GRIP1: variants seen among roughly 807,000 people sequenced by gnomAD.
GRIP1 encodes glutamate receptor interacting protein 1, also known as glutamate receptor-interacting protein 1.
In GRIP1, 45 loss-of-function variants were observed where a neutral mutation model predicts 129.9. The observed-to-expected ratio is 0.35, with a 90% CI of 0.27 to 0.44. The LOEUF is 0.44. Ranked by LOEUF, GRIP1 falls within the 20% of genes least tolerant of loss-of-function variation. The probability of loss-of-function intolerance (pLI) is 1.00; values close to 1 mark genes in which losing one functional copy is unlikely to be tolerated. For missense variants in GRIP1, 1,196 were observed against 1,396.8 expected (o/e 0.86, Z 2.29); for synonymous variants, 530 against 520.8 (o/e 1.02, Z -0.24).
chr12:66,670,362 G>A (rs1010054865), intron 1 of GRIP1, among the ~76,000 whole-genome samples: 9 of 152,148 alleles, frequency 5.9e-5, no homozygotes, highest in Non-Finnish European at 1.3e-4. Context: ...CATCCCCATG[G>A]AACATTCCTT....
intron 7 of GRIP1, among the ~76,000 whole-genome samples, chr12:66,508,850 T>C (rs1344621483): frequency 6.6e-6 from 1 of 152,114 alleles, no homozygotes; most frequent in Non-Finnish European, 1.5e-5. Flanking sequence ...GGGAAGGAAG[T>C]TATAAAATAG....
chr12:66,380,094 G>A (rs2056035339), intron 19 of GRIP1, among the ~76,000 whole-genome samples: 1 of 151,756 alleles, frequency 6.6e-6, no homozygotes, highest in Non-Finnish European at 1.5e-5. Context: ...ATTTTTAGTA[G>A]AGACAGGGTT....
At chr12:66,725,766 A>G (rs142158480) in intron 1 of GRIP1, among the ~76,000 whole-genome samples, 29 of 152,322 alleles carry the variant, frequency 1.9e-4, no homozygotes, top group African/African-American at 6.5e-4. Flanking sequence ...ACAGTTTCAT[A>G]TAACAATACT....
At chr12:67,049,896 T>A (rs1358612788) in intron 1 of GRIP1, among the ~76,000 whole-genome samples, 1 of 148,844 alleles carries the variant, frequency 6.7e-6, no homozygotes, top group Non-Finnish European at 1.5e-5. Flanking sequence ...TTTGTCAAAT[T>A]AATAAATAAT....
chr12:66,744,820 T>C (rs2036895063), intron 1 of GRIP1, among the ~76,000 whole-genome samples: 1 of 152,192 alleles, frequency 6.6e-6, no homozygotes, highest in Admixed American at 6.5e-5. Context: ...TTTAGTTTTA[T>C]ACACAGAAAT....
intron 1 of GRIP1, among the ~76,000 whole-genome samples, chr12:66,903,033 A>T (rs2040868183): frequency 6.6e-6 from 1 of 152,126 alleles, no homozygotes; most frequent in African/African-American, 2.4e-5. Context: ...TTTTAGAGTA[A>T]ATGCAAGAGA....
chr12:66,883,631 C>T (rs2040516613), intron 1 of GRIP1, among the ~76,000 whole-genome samples: 1 of 152,166 alleles, frequency 6.6e-6, no homozygotes, highest in African/African-American at 2.4e-5. Flanking sequence ...CAAAAGCTCT[C>T]CCTTGAGAGG....
At chr12:67,044,066 C>T (rs929680165) in intron 1 of GRIP1, among the ~76,000 whole-genome samples, 1 of 151,958 alleles carries the variant, frequency 6.6e-6, no homozygotes, top group South Asian at 2.1e-4. Context: ...AAGATAGGTG[C>T]CTATTAATTC....
intron 1 of GRIP1, among the ~76,000 whole-genome samples, chr12:66,872,962 T>G (rs2040321180): frequency 6.6e-6 from 1 of 152,096 alleles, no homozygotes; most frequent in African/African-American, 2.4e-5. Flanking sequence ...GAGTGACTTA[T>G]GGCTGAGTTG....
intron 1 of GRIP1, among the ~76,000 whole-genome samples, chr12:66,861,445 G>C (rs1592910497): frequency 6.6e-6 from 1 of 152,016 alleles, no homozygotes; most frequent in Non-Finnish European, 1.5e-5. Context: ...CACAAACGAA[G>C]GCAACTTACA....
intron 1 of GRIP1, among the ~76,000 whole-genome samples, chr12:66,812,489 T>C (rs544119256): frequency 6.0e-4 from 92 of 152,360 alleles, no homozygotes; most frequent in Non-Finnish European, 1.1e-3. Context: ...TGTTTGTTCA[T>C]TTATTTACTC....
intron 1 of GRIP1, among the ~76,000 whole-genome samples, chr12:67,010,319 A>G (rs1170451165): frequency 6.6e-6 from 1 of 152,194 alleles, no homozygotes; most frequent in Non-Finnish European, 1.5e-5. Flanking sequence ...TAGCAATTCG[A>G]GTTTAGAAAG....
chr12:66,447,787 G>A (rs1272460549), intron 11 of GRIP1, among the ~76,000 whole-genome samples: 5 of 152,096 alleles, frequency 3.3e-5, no homozygotes, highest in African/African-American at 1.2e-4. Flanking sequence ...TGATTCTGAA[G>A]TGGCTAAAAA....
At chr12:66,964,941 G>A (rs1431507469) in intron 1 of GRIP1, among the ~76,000 whole-genome samples, 1 of 151,946 alleles carries the variant, frequency 6.6e-6, no homozygotes, top group African/African-American at 2.4e-5. Context: ...GTCTCTTTGT[G>A]TGTCCAAATT....
At chr12:66,967,345 T>C (rs1592404599) in intron 1 of GRIP1, among the ~76,000 whole-genome samples, 1 of 152,310 alleles carries the variant, frequency 6.6e-6, no homozygotes. Context: ...AACATGTTAT[T>C]GTTAACTCTA....
chr12:66,912,584 C>G (rs965960110), intron 1 of GRIP1, among the ~76,000 whole-genome samples: 3 of 152,004 alleles, frequency 2.0e-5, no homozygotes, highest in Admixed American at 6.6e-5. Flanking sequence ...TTCAAACAGA[C>G]TTTATCAAGG....
Position 66,353,406 on chromosome 12 carries a change from T to C in GRIP1, c.3159+11A>G. The C allele has an allele frequency of 6.3e-7, 1 of 1,593,568 alleles. No homozygotes were observed. Among genetic ancestry groups the C allele is most frequent in the African/African-American group, 1.3e-5 (1 of 74,654 alleles). On this transcript the variant is annotated intron_variant, in intron 24 of 24. Transcript: ENST00000359742. ...ACTTGCAAGGAATTAAAATTCCACC[T>C]GAGGTCTTACCTGTAAGAGCCTGTC...
intron 2 of GRIP1, among the ~76,000 whole-genome samples, chr12:66,579,650 G>A (rs183099935): frequency 6.6e-6 from 1 of 152,034 alleles, no homozygotes; most frequent in Non-Finnish European, 1.5e-5. Context: ...TGGAAGAAAG[G>A]GTATCAGCAA....
intron 1 of GRIP1, among the ~76,000 whole-genome samples, chr12:66,663,577 T>C (rs2033632805): frequency 6.6e-6 from 1 of 151,990 alleles, no homozygotes; most frequent in African/African-American, 2.4e-5. Context: ...TTTGGAGGTA[T>C]GTGTGGGGTG....
Sources: gnomAD v4.1 joint callset for allele counts (sites outside exome capture counted in the v4.1 genomes callset) on GRCh38, gnomAD v4.1.1 for gene constraint, MANE v1.5 for transcripts, NCBI Gene and HGNC (gene_info 2026-07-23, HGNC 2026-07-21) for gene names.